Variants in PTPRO observed in about 807,000 individuals in gnomAD.
PTPRO encodes protein tyrosine phosphatase receptor type O, also known as receptor-type tyrosine-protein phosphatase O.
PTPRO carries 62 observed loss-of-function variants against 145.2 expected under a neutral mutation model. The ratio of observed to expected loss-of-function variants is 0.43; its 90% CI spans 0.35 to 0.53. The LOEUF (loss-of-function observed/expected upper bound fraction) is 0.53, where lower values mean the gene tolerates loss of function less well. Among genes scored for constraint, PTPRO ranks in the 20% least tolerant of loss-of-function variants. The pLI is 0.01. For missense variants in PTPRO, 1,345 were observed against 1,482.7 expected, an observed-to-expected ratio of 0.91 and a Z score of 1.53; for synonymous variants, 565 against 514.7, an observed-to-expected ratio of 1.10 and a Z score of -1.32.
intron 1 of PTPRO, among the ~76,000 whole-genome samples, chr12:15,354,256 G>A (rs537591132): frequency 6.6e-6 from 1 of 152,056 alleles, no homozygotes; most frequent in Admixed American, 6.5e-5. Context: ...TTTCTTTGTG[G>A]CATTGTCCCC....
chr12:15,336,476 T>A (rs865968557), intron 1 of PTPRO, among the ~76,000 whole-genome samples: 2 of 152,236 alleles, frequency 1.3e-5, no homozygotes, highest in Admixed American at 6.5e-5. Context: ...GAGATTGTTG[T>A]CTATGTATGT....
chr12:15,547,146 A>C lies in PTPRO; in HGVS notation c.2304+438A>C, dbSNP rs191949465. Among the ~76,000 whole-genome samples, 12 of 152,350 alleles carry C rather than the reference A, an allele frequency of 7.9e-5. No homozygotes were observed. In the East Asian group the frequency reaches 2.3e-3, roughly 29 times the overall value. ...TAAGTATAGAAAAAAGTAAAGTAAA[A>C]TATAAGTACCACAAGACAGGTCCAT... On this transcript the variant is annotated intron_variant, in intron 13 of 26. Coordinates refer to ENST00000281171, the MANE Select transcript of PTPRO (RefSeq NM_030667.3).
intron 1 of PTPRO, among the ~76,000 whole-genome samples, chr12:15,482,768 C>T (rs569342751): frequency 6.6e-6 from 1 of 152,100 alleles, no homozygotes; most frequent in Non-Finnish European, 1.5e-5. Flanking sequence ...ACTGATGTAA[C>T]AGAAACTTAA....
At chr12:15,574,706 T>C (rs1944140813) in intron 19 of PTPRO, among the ~76,000 whole-genome samples, 1 of 152,194 alleles carries the variant, frequency 6.6e-6, no homozygotes, top group Admixed American at 6.6e-5. Flanking sequence ...TCTAAACTAG[T>C]TTGAGCTATG....
chr12:15,379,058 A>G (rs2136271710), intron 1 of PTPRO, among the ~76,000 whole-genome samples: 1 of 152,316 alleles, frequency 6.6e-6, no homozygotes, highest in African/African-American at 2.4e-5. Flanking sequence ...TAGAGAATTT[A>G]GAACCCTCAT....
At chr12:15,409,846 C>A (rs1021968353) in intron 1 of PTPRO, among the ~76,000 whole-genome samples, 1 of 152,200 alleles carries the variant, frequency 6.6e-6, no homozygotes, top group Non-Finnish European at 1.5e-5. Flanking sequence ...GAGAAATCTA[C>A]CCCCATGACC....
intron 2 of PTPRO, among the ~76,000 whole-genome samples, chr12:15,486,797 T>C (rs1054378682): frequency 6.6e-6 from 1 of 151,514 alleles, no homozygotes; most frequent in African/African-American, 2.4e-5. Context: ...ATTTAAATAG[T>C]GCAGGTTTAG....
chr12:15,500,607 A>G (rs1041011022), intron 4 of PTPRO, among the ~76,000 whole-genome samples: 8 of 152,164 alleles, frequency 5.3e-5, no homozygotes, highest in African/African-American at 1.9e-4. Context: ...AACACAAAGG[A>G]AGGAGAGATA....
At chr12:15,366,022 G>A (rs556290637) in intron 1 of PTPRO, among the ~76,000 whole-genome samples, 1 of 152,288 alleles carries the variant, frequency 6.6e-6, no homozygotes, top group South Asian at 2.1e-4. Context: ...TCAGAAAAAT[G>A]ACTTTAGTAA....
rs577602115 is a variant in PTPRO, at chr12:15,595,254, C to A, written c.*16+197C>A. On this transcript the variant is annotated intron_variant, in intron 26 of 26. Transcript: ENST00000281171. ...TAGCAGATCTTTGAGTTTCAATGCA[C>A]CTTGGTTGGTGTTGGCAACAAACAG... 3.6e-5 allele frequency: 20 copies of A among 558,802 alleles called. No homozygotes were observed. In the South Asian group the frequency reaches 3.8e-4, roughly 10 times the overall value. 34.6% of individuals were successfully genotyped at this position (558,802 alleles called of 1,614,324 possible).
chr12:15,553,576 T>A (rs1322549217), intron 15 of PTPRO, among the ~76,000 whole-genome samples: 1 of 151,606 alleles, frequency 6.6e-6, no homozygotes, highest in Non-Finnish European at 1.5e-5. Context: ...AAGACAAGAG[T>A]AGAAGGAGAT....
chr12:15,588,521 G>C (rs75064173), intron 24 of PTPRO, among the ~76,000 whole-genome samples: 4,755 of 152,248 alleles, frequency 0.031, 252 homozygotes, highest in African/African-American at 0.1. Flanking sequence ...GGGATTGGGG[G>C]ACTGGCTGAG....
At chr12:15,445,342 AT>A (rs1322355536) in intron 1 of PTPRO, among the ~76,000 whole-genome samples, 1 of 152,116 alleles carries the variant, frequency 6.6e-6, no homozygotes. Flanking sequence ...TTCATTCAAT[AT>A]TTTTATATTT....
intron 1 of PTPRO, among the ~76,000 whole-genome samples, chr12:15,458,492 GCCCTATAAGT>G (rs1941229595): frequency 6.6e-6 from 1 of 151,848 alleles, no homozygotes; most frequent in African/African-American, 2.4e-5. Flanking sequence ...ACTTGATGGT[GCCCTATAAGT>G]CCCTTAAGTG....
At chr12:15,407,258 T>C (rs1939672995) in intron 1 of PTPRO, among the ~76,000 whole-genome samples, 1 of 152,230 alleles carries the variant, frequency 6.6e-6, no homozygotes, top group Non-Finnish European at 1.5e-5. Flanking sequence ...TAAGGACAAG[T>C]GTCAGTCTGG....
rs760233183 is a variant in PTPRO at position 15,560,179 on chromosome 12, A to C, written c.2628-14A>C. The C allele has an allele frequency of 2.6e-6, 4 of 1,549,078 alleles. No individual in the cohort carries two copies. In the African/African-American group the frequency reaches 5.4e-5, roughly 21 times the overall value. On this transcript the variant is annotated splice_polypyrimidine_tract_variant and intron_variant, in intron 16 of 26. Coordinates refer to ENST00000281171, the MANE Select transcript of PTPRO (RefSeq NM_030667.3). ...TTTTTCATCTTTCCATCTGTTGTCT[A>C]TTAATGCACACAGGCGTAGGAGTAT...
chr12:15,558,588 G>T (rs889926618), intron 16 of PTPRO, among the ~76,000 whole-genome samples: 1 of 152,134 alleles, frequency 6.6e-6, no homozygotes, highest in Non-Finnish European at 1.5e-5. Context: ...TACTTACATG[G>T]TCTAGTTTGT....
chr12:15,501,540 T>C (rs1942221056), intron 4 of PTPRO, 80 bp from the exon 5 acceptor site: 2 of 1,287,780 alleles, frequency 1.6e-6, no homozygotes, highest in Admixed American at 1.9e-5. Context: ...TCTGCTTGTG[T>C]ACCTGACTCA....
At chr12:15,499,419 T>A in intron 3 of PTPRO, 23 bp from the exon 4 acceptor site, 1 of 1,606,564 alleles carries the variant, frequency 6.2e-7, no homozygotes, top group South Asian at 1.1e-5. Flanking sequence ...ATATTTTTCA[T>A]GTAATTGATT....
Sources: allele counts gnomAD v4.1 joint callset (sites outside exome capture counted in the v4.1 genomes callset), GRCh38; gene constraint gnomAD v4.1.1; transcripts MANE v1.5; gene names NCBI Gene and HGNC (gene_info 2026-07-23, HGNC 2026-07-21).